PTPN12: variants seen among roughly 807,000 people sequenced by gnomAD.
The protein encoded by PTPN12 is protein tyrosine phosphatase non-receptor type 12.
In PTPN12, 29 loss-of-function variants were observed where a neutral mutation model predicts 97.6. The observed-to-expected ratio is 0.30, with a 90% CI of 0.22 to 0.41. PTPN12 has a LOEUF of 0.41. Ranked by LOEUF, PTPN12 falls within the 10% of genes least tolerant of loss-of-function variation. The pLI is 1.00. For missense variants in PTPN12, 819 were observed against 926.0 expected (o/e 0.88, Z 1.50); for synonymous variants, 327 against 300.4 (o/e 1.09, Z -0.91).
chr7:77,548,451 C>T (rs1013275874), intron 1 of PTPN12, among the ~76,000 whole-genome samples: 2 of 152,140 alleles, frequency 1.3e-5, no homozygotes, highest in Admixed American at 6.5e-5. Flanking sequence ...GTTGGTTTTA[C>T]TCCTGACGTC....
rs1789195100 is a variant in PTPN12, at chr7:77,626,628, AC to A, written c.1026-76del. ...AGATTGTAATGGCTCTTAATATGCT[AC>A]TCTTAGCTACATAATTCTCAGGTAT... On this transcript the variant is annotated intron_variant, in intron 12 of 17. Coordinates refer to ENST00000248594, the MANE Select transcript of PTPN12 (RefSeq NM_002835.4). 22 of 1,439,276 alleles carry A rather than the reference AC, an allele frequency of 1.5e-5. 1 individual carries two copies. The South Asian group carries it at 2.9e-4, about 19-fold the overall frequency. 89.2% of individuals were successfully genotyped at this position (1,439,276 alleles called of 1,614,324 possible). A position where few individuals can be genotyped will look rare whatever the true frequency, so the allele number is the denominator to read the frequency against.
At chr7:77,555,629 C>T (rs887517094) in intron 1 of PTPN12, among the ~76,000 whole-genome samples, 1 of 152,102 alleles carries the variant, frequency 6.6e-6, no homozygotes, top group Non-Finnish European at 1.5e-5. Flanking sequence ...TCTAGCGTTT[C>T]TTAGGCCGGG....
intron 2 of PTPN12, among the ~76,000 whole-genome samples, chr7:77,578,781 A>G (rs1787416791): frequency 6.6e-6 from 1 of 152,160 alleles, no homozygotes; most frequent in African/African-American, 2.4e-5. Context: ...GTTATATGTT[A>G]TGGTCCCTTC....
At chr7:77,625,439 A>G (rs773592150) in intron 12 of PTPN12, among the ~76,000 whole-genome samples, 3 of 123,944 alleles carry the variant, frequency 2.4e-5, no homozygotes, top group African/African-American at 3.2e-5. Flanking sequence ...TTTGTTAAAG[A>G]CACAGGGTTT....
chr7:77,585,523 T>C lies in PTPN12; in HGVS notation c.382-20T>C, dbSNP rs1220552429. The C allele has an allele frequency of 1.2e-6, 2 of 1,600,094 alleles. No homozygotes were observed. The highest frequency in any genetic ancestry group is 2.7e-5 in the African/African-American group (2 of 74,580). Reference sequence around the variant, plus strand: ...TTAACTGATACGTTCTTTATCTCACTCCCCACCATCACTTTTTAGATCATT... The same window carrying C: ...TTAACTGATACGTTCTTTATCTCACCCCCCACCATCACTTTTTAGATCATT... On this transcript the variant is annotated intron_variant, in intron 4 of 17. Coordinates refer to ENST00000248594, the MANE Select transcript of PTPN12 (RefSeq NM_002835.4).
intron 5 of PTPN12, among the ~76,000 whole-genome samples, chr7:77,586,690 G>C (rs1033964246): frequency 3.3e-5 from 5 of 152,208 alleles, no homozygotes; most frequent in African/African-American, 1.2e-4. Flanking sequence ...AGCAGTTGCT[G>C]TTCTACCCAC....
At chr7:77,603,545 G>A (rs932693739) in intron 8 of PTPN12, among the ~76,000 whole-genome samples, 5 of 152,154 alleles carry the variant, frequency 3.3e-5, no homozygotes, top group African/African-American at 1.2e-4. Flanking sequence ...GAGTGCAGTG[G>A]CACAATCTCG....
At chr7:77,616,350 C>T (rs1190209783) in intron 11 of PTPN12, among the ~76,000 whole-genome samples, 1 of 151,926 alleles carries the variant, frequency 6.6e-6, no homozygotes, top group Non-Finnish European at 1.5e-5. Flanking sequence ...TGTAGTATTA[C>T]CCTTCTACTT....
At chr7:77,567,813 A>G (rs1179076630) in intron 1 of PTPN12, among the ~76,000 whole-genome samples, 1 of 152,242 alleles carries the variant, frequency 6.6e-6, no homozygotes, top group Non-Finnish European at 1.5e-5. Flanking sequence ...CAATAATAAT[A>G]GTTAACATTT....
chr7:77,547,655 C>A (rs1416062463), intron 1 of PTPN12, among the ~76,000 whole-genome samples: 2 of 152,186 alleles, frequency 1.3e-5, no homozygotes, highest in African/African-American at 4.8e-5. Flanking sequence ...AGATGACATA[C>A]TGCTCCAGTG....
Position 77,573,088 on chromosome 7 carries a change from A to AAAAAAAC in PTPN12, c.208+1908_208+1909insCAAAAAA, listed in dbSNP as rs1787206565. Among the ~76,000 whole-genome samples the AAAAAAAC allele has an allele frequency of 2.7e-5, 3 of 112,492 alleles. No individual in the cohort carries two copies. The South Asian group carries it at 1.0e-3, about 38-fold the overall frequency. The allele number at this position is 112,492 out of a possible 152,430, so 73.8% of individuals were successfully genotyped here. The stretch of plus-strand genomic sequence containing the variant: ...ACAGAGTAAGACTCTATCTCAAAAA[A>AAAAAAAC]AAAAAAAACAAAAAAACAAAAAAAA... On this transcript the variant is annotated intron_variant, in intron 2 of 17. Coordinates refer to ENST00000248594, the MANE Select transcript of PTPN12 (RefSeq NM_002835.4).
At chr7:77,544,706 T>G (rs1422131288) in intron 1 of PTPN12, among the ~76,000 whole-genome samples, 1 of 152,216 alleles carries the variant, frequency 6.6e-6, no homozygotes, top group African/African-American at 2.4e-5. Context: ...CATTTCTGTC[T>G]TCCCCAGACT....
intron 6 of PTPN12, among the ~76,000 whole-genome samples, chr7:77,592,821 G>A (rs1250927827): frequency 6.6e-6 from 1 of 151,906 alleles, no homozygotes; most frequent in Non-Finnish European, 1.5e-5. Flanking sequence ...GCAAAAATCT[G>A]AGAAAATGAA....
chr7:77,604,505 C>T (rs549313128), intron 8 of PTPN12, among the ~76,000 whole-genome samples: 54 of 152,074 alleles, frequency 3.6e-4, no homozygotes, highest in African/African-American at 1.1e-3. Flanking sequence ...TGAACCACTG[C>T]GCCCAGCCTC....
At chr7:77,555,060 TC>T (rs900250232) in intron 1 of PTPN12, among the ~76,000 whole-genome samples, 2 of 152,286 alleles carry the variant, frequency 1.3e-5, no homozygotes, top group Non-Finnish European at 2.9e-5. Context: ...GGTTCAGGAT[TC>T]TAAGTTGGTG....
intron 11 of PTPN12, among the ~76,000 whole-genome samples, chr7:77,613,349 A>G (rs770241441): frequency 1.3e-5 from 2 of 148,870 alleles, no homozygotes; most frequent in East Asian, 2.1e-4. Flanking sequence ...TAATTTTTGT[A>G]TTTTTAGTAG....
chr7:77,611,084 A>T, intron 11 of PTPN12, 38 bp downstream of exon 11: 1 of 1,480,500 alleles, frequency 6.8e-7, no homozygotes, highest in Admixed American at 1.8e-5. Context: ...GGAAACTTTT[A>T]CTCTTTGTTA....
chr7:77,575,938 G>A (rs903713659), intron 2 of PTPN12, among the ~76,000 whole-genome samples: 1 of 151,904 alleles, frequency 6.6e-6, no homozygotes, highest in African/African-American at 2.4e-5. Context: ...TGCGACCTCC[G>A]CCTCCCAGGT....
intron 2 of PTPN12, among the ~76,000 whole-genome samples, chr7:77,578,725 G>A (rs1014000570): frequency 6.6e-6 from 1 of 152,038 alleles, no homozygotes; most frequent in Non-Finnish European, 1.5e-5. Flanking sequence ...ACTCATTCAT[G>A]GATTAGAAGG....
Sources: gnomAD v4.1 joint callset for allele counts (sites outside exome capture counted in the v4.1 genomes callset) on GRCh38, gnomAD v4.1.1 for gene constraint, MANE v1.5 for transcripts, NCBI Gene and HGNC (gene_info 2026-07-23, HGNC 2026-07-21) for gene names.